Variants in SCAF4 observed in about 807,000 individuals in gnomAD.
SCAF4 encodes SR-related CTD associated factor 4.
SCAF4 carries 25 observed loss-of-function variants against 129.8 expected under a neutral mutation model. The observed-to-expected ratio is 0.19, with a 90% CI of 0.14 to 0.27. The LOEUF (loss-of-function observed/expected upper bound fraction) is 0.27. Ranked by LOEUF, SCAF4 falls within the 10% of genes least tolerant of loss-of-function variation. The pLI is 1.00. For missense variants in SCAF4, 1,246 were observed against 1,457.1 expected, an observed-to-expected ratio of 0.86 and a Z score of 2.36; for synonymous variants, 551 against 497.7, an observed-to-expected ratio of 1.11 and a Z score of -1.43.
At chr21:31,687,874 A>G (rs955253341) in intron 16 of SCAF4, among the ~76,000 whole-genome samples, 1 of 151,964 alleles carries the variant, frequency 6.6e-6, no homozygotes, top group African/African-American at 2.4e-5. Context: ...TTGGGAGGCC[A>G]AGGCAGGCAG....
At chr21:31,715,164 T>A (rs867622742) in intron 1 of SCAF4, among the ~76,000 whole-genome samples, 10 of 152,214 alleles carry the variant, frequency 6.6e-5, no homozygotes, top group Non-Finnish European at 1.0e-4. Context: ...CTATTTCTTG[T>A]CTAATCTTGC....
chr21:31,727,698 GGAGA>G, intron 1 of SCAF4, among the ~76,000 whole-genome samples: 1 of 152,156 alleles, frequency 6.6e-6, no homozygotes, highest in Non-Finnish European at 1.5e-5. Context: ...AGGAGAGGCA[GGAGA>G]ATCGCTTGAA....
intron 1 of SCAF4, among the ~76,000 whole-genome samples, chr21:31,722,925 C>A (rs1285907103): frequency 6.6e-6 from 1 of 152,074 alleles, no homozygotes; most frequent in African/African-American, 2.4e-5. Flanking sequence ...TGTACTCCAG[C>A]CTGGGTGACA....
rs117669601 is a variant in SCAF4, at chr21:31,724,896, G to C, written c.30+6767C>G. Among the ~76,000 whole-genome samples, 45 of 152,300 alleles carry C rather than the reference G, an allele frequency of 3.0e-4. 1 individual carries two copies. The East Asian group carries it at 8.7e-3, about 29-fold the overall frequency. On this transcript the variant is annotated intron_variant, in intron 1 of 19. Coordinates refer to ENST00000286835, the MANE Select transcript of SCAF4 (RefSeq NM_020706.2). ...TCTGAAACAGAATACTAGACAAAAT[G>C]ATAGACTAGGGAGGGAAATACTTAC...
At position 31,731,823 on chromosome 21, in the gene SCAF4, G is replaced by T; in HGVS notation, c.-131C>A. 1 of 1,096,228 alleles carries T rather than the reference G, an allele frequency of 9.1e-7. No homozygotes were observed. The highest frequency in any genetic ancestry group is 1.9e-5 in the South Asian group (1 of 53,014). 67.9% of individuals were successfully genotyped at this position (1,096,228 alleles called of 1,614,324 possible). On this transcript the variant is annotated 5_prime_UTR_variant, in exon 1 of 20. Coordinates refer to ENST00000286835, the MANE Select transcript of SCAF4 (RefSeq NM_020706.2). Reference sequence around the variant, plus strand: ...CGACGAGCGGCGGAGTCCGAGGCCCGGGCAGGAAGAGGCTGCGCCCGAAGC... The same window carrying T: ...CGACGAGCGGCGGAGTCCGAGGCCCTGGCAGGAAGAGGCTGCGCCCGAAGC...
Position 31,730,866 on chromosome 21 carries a change from C to T in SCAF4, c.30+797G>A, listed in dbSNP as rs73353454. On this transcript the variant is annotated intron_variant, in intron 1 of 19. Transcript: ENST00000286835. ...AGAGGTTTTCACATGTAAATGTCCT[C>T]GTAGAAGGGAGCCGAGGATTAACTA... 4.5e-3 allele frequency among the ~76,000 whole-genome samples: 681 copies of T among 152,294 alleles called. 7 individuals carry two copies. Among genetic ancestry groups the T allele is most frequent in the African/African-American group, 0.016 (659 of 41,538 alleles).
chr21:31,680,932 T>G (rs922659361), intron 19 of SCAF4, among the ~76,000 whole-genome samples: 1 of 152,222 alleles, frequency 6.6e-6, no homozygotes, highest in Non-Finnish European at 1.5e-5. Flanking sequence ...ATAAAAACAT[T>G]TGCGCTTGTT....
At chr21:31,691,586 A>AAAAAC (rs560401240) in intron 14 of SCAF4, among the ~76,000 whole-genome samples, 75 of 152,238 alleles carry the variant, frequency 4.9e-4, no homozygotes, top group African/African-American at 1.6e-3. Flanking sequence ...TACATTTAGG[A>AAAAAC]AAAACAAAAC....
chr21:31,685,845 C>A, intron 16 of SCAF4, 112 bp from the exon 17 acceptor site: 1 of 964,996 alleles, frequency 1.0e-6, no homozygotes, highest in Non-Finnish European at 1.5e-6. Flanking sequence ...TTAATTTGTG[C>A]TTATTAGACC....
intron 1 of SCAF4, among the ~76,000 whole-genome samples, chr21:31,725,054 A>G (rs1431339097): frequency 3.9e-5 from 6 of 152,208 alleles, no homozygotes; most frequent in African/African-American, 1.4e-4. Flanking sequence ...GAGAAAGAAA[A>G]CACTGTATAA....
chr21:31,676,773 G>A (rs977648792), intron 19 of SCAF4, among the ~76,000 whole-genome samples: 2 of 152,178 alleles, frequency 1.3e-5, no homozygotes, highest in South Asian at 2.1e-4. Flanking sequence ...ACAGAATTGG[G>A]CAACTATCAC....
At position 31,693,493 on chromosome 21, in the gene SCAF4, T is replaced by C; in HGVS notation, c.1323-9A>G. ...GCCTCCTTTTTGGTGACCTAATGTTTTCAAGAGAAGGGAGAATGCATAGCA... is the reference window on the plus strand; with the variant it reads ...GCCTCCTTTTTGGTGACCTAATGTTCTCAAGAGAAGGGAGAATGCATAGCA... On this transcript the variant is annotated splice_polypyrimidine_tract_variant and intron_variant, in intron 11 of 19. Transcript: ENST00000286835. The C allele has an allele frequency of 6.8e-7, 1 of 1,466,300 alleles. No individual in the cohort carries two copies. Among genetic ancestry groups the C allele is most frequent in the Non-Finnish European group, 9.2e-7 (1 of 1,089,710 alleles). The allele number at this position is 1,466,300 out of a possible 1,614,324, so 90.8% of individuals were successfully genotyped here.
chr21:31,693,409 G>A lies in SCAF4; in HGVS notation c.1398C>T (p.Ser466=). 6.4e-7 allele frequency: 1 copy of A among 1,574,634 alleles called. No homozygotes were observed. The highest frequency in any genetic ancestry group is 8.7e-7 in the Non-Finnish European group (1 of 1,152,166). The change falls in exon 12 of 20, where the codon TCC becomes TCT. Residue 466 remains serine (S), a synonymous_variant. Transcript: ENST00000286835. ...RSRHRRSRSR[S]RDRRRHSPRS... ...GGGGAGAATGTCGGCGTCTATCCCTGGACCGAGATCGAGAACGTCGATGCC... is the reference window on the plus strand; with the variant it reads ...GGGGAGAATGTCGGCGTCTATCCCTAGACCGAGATCGAGAACGTCGATGCC...
chr21:31,684,987 T>C (rs1433799769), intron 19 of SCAF4, 62 bp downstream of exon 19: 1 of 442,174 alleles, frequency 2.3e-6, no homozygotes, highest in Admixed American at 3.8e-5. Context: ...AACTTGGGGA[T>C]GGGTGGGGGG....
intron 8 of SCAF4, 137 bp from the exon 9 acceptor site, chr21:31,696,358 AT>A: frequency 1.4e-6 from 1 of 728,378 alleles, no homozygotes. Context: ...ATTAAATTTA[AT>A]TTATAAACTC....
chr21:31,696,804 A>G, intron 7 of SCAF4, 54 bp from the exon 8 acceptor site: 1 of 1,450,442 alleles, frequency 6.9e-7, no homozygotes, highest in African/African-American at 1.4e-5. Flanking sequence ...TTCACTGCAC[A>G]AAAAACTTTA....
At chr21:31,687,141 C>T (rs576022693) in intron 16 of SCAF4, among the ~76,000 whole-genome samples, 3 of 152,192 alleles carry the variant, frequency 2.0e-5, no homozygotes, top group African/African-American at 7.2e-5. Flanking sequence ...AATTCACTTT[C>T]ATGATAGCTC....
chr21:31,685,781 A>G (rs758181527), intron 16 of SCAF4, 48 bp from the exon 17 acceptor site: 5 of 1,504,024 alleles, frequency 3.3e-6, no homozygotes, highest in Admixed American at 4.5e-5. Context: ...ACACCCTCCC[A>G]TCCACACAGT....
At chr21:31,706,971 G>A (rs749579985) in intron 1 of SCAF4, 10 of 306,668 alleles carry the variant, frequency 3.3e-5, no homozygotes, top group African/African-American at 6.9e-5. Flanking sequence ...AGTAGGTCTA[G>A]AAACATTTTT....
Sources: allele counts gnomAD v4.1 joint callset (sites outside exome capture counted in the v4.1 genomes callset), GRCh38; gene constraint gnomAD v4.1.1; transcripts MANE v1.5; gene names NCBI Gene and HGNC (gene_info 2026-07-23, HGNC 2026-07-21).